LRRTM4: variants seen among roughly 807,000 people sequenced by gnomAD.
LRRTM4 encodes the protein leucine-rich repeat transmembrane neuronal protein 4.
In LRRTM4, 25 loss-of-function variants were observed where a neutral mutation model predicts 47.6. The ratio of observed to expected loss-of-function variants is 0.53; its 90% CI spans 0.38 to 0.73. The LOEUF is 0.73. LRRTM4 is among the 30% of genes least tolerant of loss of function. The pLI is 0.00. For synonymous variants in LRRTM4, 311 were observed against 269.5 expected, an observed-to-expected ratio of 1.15 and a Z score of -1.51; for missense variants, 638 against 713.4, an observed-to-expected ratio of 0.89 and a Z score of 1.20.
At chr2:77,054,411 G>A (rs1456495467) in intron 3 of LRRTM4, among the ~76,000 whole-genome samples, 1 of 152,176 alleles carries the variant, frequency 6.6e-6, no homozygotes, top group Non-Finnish European at 1.5e-5. Flanking sequence ...TAACAAGAGG[G>A]AAGATGCTAG....
intron 3 of LRRTM4, among the ~76,000 whole-genome samples, chr2:76,841,438 A>T (rs201799390): frequency 2.4e-4 from 37 of 152,006 alleles, no homozygotes; most frequent in Admixed American, 8.5e-4. Flanking sequence ...TAATAAAATT[A>T]AAAAAAATTA....
intron 3 of LRRTM4, among the ~76,000 whole-genome samples, chr2:77,013,392 C>A (rs1677945005): frequency 6.6e-6 from 1 of 152,128 alleles, no homozygotes. Context: ...TGTGGAGCAA[C>A]TTTACCCCTG....
chr2:77,212,426 CAA>C (rs1674318416), intron 3 of LRRTM4, among the ~76,000 whole-genome samples: 1 of 147,118 alleles, frequency 6.8e-6, no homozygotes, highest in Non-Finnish European at 1.5e-5. Context: ...ATCTTCTATT[CAA>C]AGTTAATTGT....
At chr2:77,398,846 A>T (rs188480213) in intron 3 of LRRTM4, among the ~76,000 whole-genome samples, 330 of 151,902 alleles carry the variant, frequency 2.2e-3, no homozygotes, top group Non-Finnish European at 3.8e-3. Flanking sequence ...CAACCCAGAG[A>T]TTCATTCCTT....
At chr2:77,438,475 C>T (rs917686977) in intron 3 of LRRTM4, among the ~76,000 whole-genome samples, 3 of 138,900 alleles carry the variant, frequency 2.2e-5, no homozygotes, top group Non-Finnish European at 3.0e-5. Context: ...GGCGCGATCT[C>T]GGCTCACTGC....
At chr2:76,888,452 G>A (rs541027679) in intron 3 of LRRTM4, among the ~76,000 whole-genome samples, 1 of 151,322 alleles carries the variant, frequency 6.6e-6, no homozygotes, top group African/African-American at 2.4e-5. Context: ...CTCTATTGAT[G>A]GTAACTTATT....
At chr2:77,069,556 A>G (rs1680081254) in intron 3 of LRRTM4, among the ~76,000 whole-genome samples, 1 of 152,022 alleles carries the variant, frequency 6.6e-6, no homozygotes, top group Non-Finnish European at 1.5e-5. Context: ...AACTAATTCA[A>G]TTGTTTTACT....
chr2:76,767,899 A>C (rs1200498289), intron 3 of LRRTM4, among the ~76,000 whole-genome samples: 2 of 152,216 alleles, frequency 1.3e-5, no homozygotes, highest in African/African-American at 2.4e-5. Context: ...TCAGCAGCAG[A>C]AAGAATCTAT....
intron 3 of LRRTM4, among the ~76,000 whole-genome samples, chr2:76,751,914 C>T (rs1340711674): frequency 1.3e-5 from 2 of 152,154 alleles, no homozygotes; most frequent in African/African-American, 2.4e-5. Flanking sequence ...TTGAAAATCA[C>T]ATAAAAATTC....
At chr2:77,385,831 T>C (rs1253217452) in intron 3 of LRRTM4, among the ~76,000 whole-genome samples, 1 of 137,132 alleles carries the variant, frequency 7.3e-6, no homozygotes, top group Non-Finnish European at 1.5e-5. Flanking sequence ...CGGTGTAACC[T>C]CCGCATCCTG....
rs1383369402 is a variant in LRRTM4, at chr2:76,866,603, G to A, written c.1552-117687C>T. Among the ~76,000 whole-genome samples, 7 of 152,018 alleles carry A rather than the reference G, an allele frequency of 4.6e-5. No homozygotes were observed. The East Asian group carries it at 1.4e-3, about 30-fold the overall frequency. On this transcript the variant is annotated intron_variant, in intron 3 of 3. Transcript: ENST00000409884. ...AAACAATCTTTGATTGATGTGTGAT[G>A]TTGTGTCACATCACTTTAGGTAACT...
chr2:77,112,032 A>G (rs937462281), intron 3 of LRRTM4, among the ~76,000 whole-genome samples: 1 of 152,180 alleles, frequency 6.6e-6, no homozygotes, highest in South Asian at 2.1e-4. Context: ...GAGATTTTCT[A>G]CATTGAACCT....
intron 3 of LRRTM4, among the ~76,000 whole-genome samples, chr2:76,835,710 T>C (rs1671490636): frequency 1.3e-5 from 2 of 152,054 alleles, no homozygotes; most frequent in Non-Finnish European, 2.9e-5. Flanking sequence ...TTTAGGTATA[T>C]ATTTCTTTAT....
chr2:77,228,313 C>G (rs1674869729), intron 3 of LRRTM4, among the ~76,000 whole-genome samples: 1 of 152,034 alleles, frequency 6.6e-6, no homozygotes, highest in Non-Finnish European at 1.5e-5. Context: ...CCAGCTCATC[C>G]CTTCTCTCTT....
intron 3 of LRRTM4, among the ~76,000 whole-genome samples, chr2:77,414,590 T>A (rs568685004): frequency 1.4e-4 from 21 of 152,320 alleles, no homozygotes; most frequent in African/African-American, 3.4e-4. Context: ...ATTTTAGGTA[T>A]AATTTGCCAT....
rs1553412656 is a variant in LRRTM4, at chr2:76,807,457, T to TATAC, written c.1552-58542_1552-58541insGTAT. Among the ~76,000 whole-genome samples, 66 of 94,166 alleles carry TATAC rather than the reference T, an allele frequency of 7.0e-4. 2 individuals are homozygous for TATAC. The highest frequency in any genetic ancestry group is 2.8e-3 in the African/African-American group (64 of 22,566). 61.8% of individuals were successfully genotyped at this position (94,166 alleles called of 152,430 possible). On this transcript the variant is annotated intron_variant, in intron 3 of 3. Transcript: ENST00000409884. ...ATATACGTATATACATATATATATA[T>TATAC]ACATATATATATACATATATATATA...
intron 3 of LRRTM4, among the ~76,000 whole-genome samples, chr2:77,054,595 A>G (rs1481139316): frequency 3.3e-5 from 5 of 152,236 alleles, no homozygotes; most frequent in African/African-American, 1.2e-4. Context: ...AAAAATTCCC[A>G]AACTAGATTA....
chr2:76,859,267 T>C (rs925374980), intron 3 of LRRTM4, among the ~76,000 whole-genome samples: 8 of 152,154 alleles, frequency 5.3e-5, no homozygotes, highest in African/African-American at 1.7e-4. Flanking sequence ...TGTTTCTTTC[T>C]GTAAGTTATA....
At chr2:76,996,680 G>A (rs969612901) in intron 3 of LRRTM4, among the ~76,000 whole-genome samples, 11 of 152,110 alleles carry the variant, frequency 7.2e-5, no homozygotes, top group Admixed American at 7.2e-4. Flanking sequence ...ATGTTGGGAG[G>A]AAAATACCTC....
Sources: allele counts gnomAD v4.1 joint callset (sites outside exome capture counted in the v4.1 genomes callset), GRCh38; gene constraint gnomAD v4.1.1; transcripts MANE v1.5; gene names NCBI Gene and HGNC (gene_info 2026-07-23, HGNC 2026-07-21).